Variants in GPC6 observed in about 807,000 individuals in gnomAD.
The protein encoded by GPC6 is glypican 6.
GPC6 carries 14 observed loss-of-function variants against 55.2 expected under a neutral mutation model. That is an observed-to-expected ratio of 0.25 (90% CI 0.17 to 0.40). The LOEUF is 0.40. Ranked by LOEUF, GPC6 falls within the 10% of genes least tolerant of loss-of-function variation. The pLI is 1.00. For synonymous variants in GPC6, 278 were observed against 259.6 expected (o/e 1.07, Z -0.68); for missense variants, 641 against 708.5 (o/e 0.90, Z 1.08).
chr13:94,363,442 TG>T (rs1354802410), intron 6 of GPC6, among the ~76,000 whole-genome samples: 1 of 152,204 alleles, frequency 6.6e-6, no homozygotes, highest in Non-Finnish European at 1.5e-5. Context: ...GACAGTTGAC[TG>T]GGGGTATGGA....
intron 1 of GPC6, among the ~76,000 whole-genome samples, chr13:93,228,013 A>G (rs1875866326): frequency 6.6e-6 from 1 of 152,120 alleles, no homozygotes; most frequent in Non-Finnish European, 1.5e-5. Context: ...AAGAACTGCG[A>G]CCGCAGTTTG....
At chr13:93,590,084 G>GTA (rs916818618) in intron 2 of GPC6, among the ~76,000 whole-genome samples, 62 of 152,270 alleles carry the variant, frequency 4.1e-4, no homozygotes, top group African/African-American at 1.4e-3. Flanking sequence ...CCTGGAGAAA[G>GTA]TATATTGTGT....
chr13:93,702,088 C>T (rs1882688993), intron 2 of GPC6, among the ~76,000 whole-genome samples: 1 of 152,066 alleles, frequency 6.6e-6, no homozygotes, highest in Admixed American at 6.6e-5. Flanking sequence ...AGAGGAATCA[C>T]TATCAATGGC....
chr13:93,523,485 A>G (rs879406913), intron 1 of GPC6, among the ~76,000 whole-genome samples: 7 of 151,694 alleles, frequency 4.6e-5, no homozygotes, highest in Admixed American at 4.6e-4. Context: ...ACACATACAC[A>G]TACATATATG....
intron 2 of GPC6, among the ~76,000 whole-genome samples, chr13:93,666,202 G>A (rs1881126130): frequency 6.6e-6 from 1 of 152,118 alleles, no homozygotes; most frequent in Non-Finnish European, 1.5e-5. Flanking sequence ...AAAAATCTGT[G>A]AGCAAATAAA....
chr13:93,848,689 C>T (rs117863973), intron 3 of GPC6, among the ~76,000 whole-genome samples: 36 of 152,144 alleles, frequency 2.4e-4, no homozygotes, highest in African/African-American at 3.6e-4. Context: ...GTCTGAAGTC[C>T]GCAGCCTTGC....
chr13:93,620,638 G>A (rs886067568), intron 2 of GPC6, among the ~76,000 whole-genome samples: 2 of 152,136 alleles, frequency 1.3e-5, no homozygotes, highest in Admixed American at 1.3e-4. Context: ...ATTTGAAGCC[G>A]CTCTCTGGAA....
At chr13:93,949,352 T>TTGGTTCATGCTCA (rs1483261224) in intron 3 of GPC6, among the ~76,000 whole-genome samples, 1 of 152,216 alleles carries the variant, frequency 6.6e-6, no homozygotes, top group Non-Finnish European at 1.5e-5. Context: ...AGGTTTTGTG[T>TTGGTTCATGCTCA]TGGTTCATGC....
chr13:94,100,454 G>A (rs898866057), intron 4 of GPC6, among the ~76,000 whole-genome samples: 11 of 152,196 alleles, frequency 7.2e-5, no homozygotes, highest in Non-Finnish European at 1.2e-4. Context: ...GGACTGGAAA[G>A]ATAGATATTA....
At chr13:94,007,858 G>A (rs1882083103) in intron 3 of GPC6, among the ~76,000 whole-genome samples, 1 of 151,814 alleles carries the variant, frequency 6.6e-6, no homozygotes, top group African/African-American at 2.4e-5. Context: ...TTTTCTACAT[G>A]TGAATCTAAC....
intron 3 of GPC6, among the ~76,000 whole-genome samples, chr13:93,845,270 A>C (rs1218399628): frequency 6.6e-6 from 1 of 151,506 alleles, no homozygotes; most frequent in Non-Finnish European, 1.5e-5. Flanking sequence ...ATGCAAATCA[A>C]AACCACTATG....
At chr13:93,819,383 T>C (rs1164669169) in intron 2 of GPC6, among the ~76,000 whole-genome samples, 1 of 152,162 alleles carries the variant, frequency 6.6e-6, no homozygotes, top group Non-Finnish European at 1.5e-5. Flanking sequence ...TTAATATATA[T>C]TGTTAATACT....
chr13:94,279,766 T>G (rs1892318493), intron 4 of GPC6, among the ~76,000 whole-genome samples: 2 of 152,218 alleles, frequency 1.3e-5, no homozygotes, highest in Non-Finnish European at 2.9e-5. Context: ...GTGAGTTAGT[T>G]AATCCTGAGT....
At chr13:93,544,880 CTAAG>C (rs1874693022) in intron 1 of GPC6, among the ~76,000 whole-genome samples, 1 of 152,112 alleles carries the variant, frequency 6.6e-6, no homozygotes, top group South Asian at 2.1e-4. Flanking sequence ...GGTGATGGGA[CTAAG>C]TGTCTTTTGC....
At chr13:93,695,317 T>A (rs1882413094) in intron 2 of GPC6, among the ~76,000 whole-genome samples, 5 of 152,054 alleles carry the variant, frequency 3.3e-5, no homozygotes. Context: ...GTAGGTATAA[T>A]GCAAATAACA....
chr13:94,321,410 G>C (rs1186926329), intron 6 of GPC6, among the ~76,000 whole-genome samples: 1 of 152,150 alleles, frequency 6.6e-6, no homozygotes, highest in Non-Finnish European at 1.5e-5. Flanking sequence ...AGAATGATTT[G>C]TATTCCTTTG....
chr13:93,808,716 C>T (rs973514538), intron 2 of GPC6, among the ~76,000 whole-genome samples: 2 of 152,186 alleles, frequency 1.3e-5, no homozygotes, highest in African/African-American at 4.8e-5. Context: ...GTTCACTCTA[C>T]AGATAGTTAC....
intron 2 of GPC6, among the ~76,000 whole-genome samples, chr13:93,716,967 T>G (rs983396015): frequency 2.0e-5 from 3 of 151,626 alleles, no homozygotes; most frequent in Admixed American, 6.6e-5. Flanking sequence ...GTCAGTACAG[T>G]AAAATGCTGT....
the GPC6 span, among the ~76,000 whole-genome samples, chr13:93,218,619 T>C: frequency 1.1e-4 from 17 of 152,344 alleles, no homozygotes; most frequent in South Asian, 1.4e-3. Flanking sequence ...TTAAGGAATC[T>C]AAACTAAAAC....
Sources: allele counts gnomAD v4.1 joint callset (sites outside exome capture counted in the v4.1 genomes callset), GRCh38; gene constraint gnomAD v4.1.1; transcripts MANE v1.5; gene names NCBI Gene and HGNC (gene_info 2026-07-23, HGNC 2026-07-21).